Variants in MAN1A2 observed in about 807,000 individuals in gnomAD.
The protein encoded by MAN1A2 is mannosyl-oligosaccharide 1,2-alpha-mannosidase IB.
Under a neutral mutation model 75.7 loss-of-function variants are expected in MAN1A2, and 26 were observed. The observed-to-expected ratio is 0.34, with a 90% CI of 0.25 to 0.48. The LOEUF is 0.48. MAN1A2 is among the 20% of genes least tolerant of loss of function. MAN1A2 has a pLI of 0.99. For missense variants in MAN1A2, 562 were observed against 775.5 expected, an observed-to-expected ratio of 0.72 and a Z score of 3.27; for synonymous variants, 247 against 264.6, an observed-to-expected ratio of 0.93 and a Z score of 0.65.
chr1:117,492,059 G>C (rs995542828), intron 8 of MAN1A2, among the ~76,000 whole-genome samples: 1 of 152,084 alleles, frequency 6.6e-6, no homozygotes, highest in Non-Finnish European at 1.5e-5. Flanking sequence ...TGACAATAAG[G>C]ATTTAGAATA....
chr1:117,469,638 A>G (rs1005176948), intron 8 of MAN1A2, among the ~76,000 whole-genome samples: 6 of 152,170 alleles, frequency 3.9e-5, no homozygotes, highest in Non-Finnish European at 8.8e-5. Context: ...CCTACAACTC[A>G]ACAACAGAAG....
intron 5 of MAN1A2, among the ~76,000 whole-genome samples, chr1:117,439,840 A>G (rs1648972920): frequency 6.6e-6 from 1 of 152,180 alleles, no homozygotes; most frequent in Non-Finnish European, 1.5e-5. Flanking sequence ...TTAACAAGAT[A>G]TCATGAAAAA....
chr1:117,429,476 C>CA (rs1648507332), intron 5 of MAN1A2, among the ~76,000 whole-genome samples: 6 of 75,190 alleles, frequency 8.0e-5, no homozygotes, highest in Non-Finnish European at 8.6e-5. Context: ...GCTGGCCGGG[C>CA]GGGGGGCCGA....
At chr1:117,369,689 A>AT in intron 1 of MAN1A2, among the ~76,000 whole-genome samples, 1 of 152,126 alleles carries the variant, frequency 6.6e-6, no homozygotes, top group Admixed American at 6.5e-5. Flanking sequence ...TTAATTTGGA[A>AT]TTTTTGCCAT....
At chr1:117,420,507 T>C (rs1648150693) in intron 4 of MAN1A2, 62 bp from the exon 5 acceptor site, 4 of 1,179,352 alleles carry the variant, frequency 3.4e-6, no homozygotes, top group Non-Finnish European at 5.0e-6. Context: ...GAAGTATTGA[T>C]AATATTTTGA....
intron 1 of MAN1A2, among the ~76,000 whole-genome samples, chr1:117,383,324 A>G (rs1557927630): frequency 1.3e-5 from 2 of 152,170 alleles, no homozygotes; most frequent in African/African-American, 2.4e-5. Flanking sequence ...CTACCTGCCT[A>G]TGCCTGTAGT....
At chr1:117,457,379 A>C (rs1324701432) in intron 6 of MAN1A2, among the ~76,000 whole-genome samples, 4 of 151,932 alleles carry the variant, frequency 2.6e-5, no homozygotes, top group Admixed American at 2.6e-4. Context: ...TAACATTTGC[A>C]TGAAATGATG....
chr1:117,418,325 A>C (rs1648075195), intron 4 of MAN1A2, among the ~76,000 whole-genome samples: 1 of 152,070 alleles, frequency 6.6e-6, no homozygotes, highest in African/African-American at 2.4e-5. Context: ...GGTGATGATA[A>C]GTGCTATGGA....
intron 8 of MAN1A2, among the ~76,000 whole-genome samples, chr1:117,488,654 T>C (rs1311513157): frequency 2.0e-5 from 3 of 152,072 alleles, no homozygotes; most frequent in Admixed American, 6.6e-5. Flanking sequence ...ATCTTGGTTG[T>C]GGCTTTGTTG....
intron 6 of MAN1A2, among the ~76,000 whole-genome samples, chr1:117,447,595 G>A (rs1307953112): frequency 6.6e-6 from 1 of 152,002 alleles, no homozygotes; most frequent in East Asian, 1.9e-4. Flanking sequence ...GGCTCTTATC[G>A]AACCTTTTGA....
chr1:117,489,270 A>G (rs905838159), intron 8 of MAN1A2, among the ~76,000 whole-genome samples: 1 of 152,074 alleles, frequency 6.6e-6, no homozygotes, highest in Non-Finnish European at 1.5e-5. Flanking sequence ...CAGAAGTACA[A>G]TTCCTAGGTT....
intron 1 of MAN1A2, among the ~76,000 whole-genome samples, chr1:117,376,781 T>C (rs949390850): frequency 2.0e-5 from 3 of 152,214 alleles, no homozygotes; most frequent in Non-Finnish European, 4.4e-5. Context: ...CAGAAAAAGT[T>C]AAAGATGATT....
chr1:117,445,266 C>T (rs1402993252), intron 6 of MAN1A2, among the ~76,000 whole-genome samples: 1 of 151,928 alleles, frequency 6.6e-6, no homozygotes, highest in Non-Finnish European at 1.5e-5. Flanking sequence ...TTTCCTAATA[C>T]CCTTTGAAAT....
chr1:117,445,854 GTGTGTA>G (rs143828193), intron 6 of MAN1A2, among the ~76,000 whole-genome samples: 36,640 of 112,242 alleles, frequency 0.33, 5,587 homozygotes, highest in African/African-American at 0.43. Context: ...GTGTGTGTGT[GTGTGTA>G]TGTGTGTGTG....
intron 8 of MAN1A2, among the ~76,000 whole-genome samples, chr1:117,470,270 A>G (rs774476018): frequency 1.3e-5 from 2 of 152,132 alleles, no homozygotes; most frequent in Non-Finnish European, 2.9e-5. Context: ...TGTCAAATCC[A>G]TAGAGACAGA....
At chr1:117,405,725 T>C in intron 3 of MAN1A2, 80 bp downstream of exon 3, 1 of 852,930 alleles carries the variant, frequency 1.2e-6, no homozygotes, top group Non-Finnish European at 2.0e-6. Context: ...CAAAGTACTT[T>C]CTAAAATCTG....
intron 1 of MAN1A2, among the ~76,000 whole-genome samples, chr1:117,376,209 C>T (rs1653134142): frequency 6.6e-6 from 1 of 152,168 alleles, no homozygotes; most frequent in Non-Finnish European, 1.5e-5. Context: ...CTGCGCCCGG[C>T]CCTAATTTAT....
In MAN1A2 at chr1:117,496,975, C is replaced by G; in HGVS notation, c.1497C>G (p.Asp499Glu). The change falls in exon 10 of 13, where the codon GAC (aspartate) becomes GAG (glutamate). Residue 499 changes from aspartate (D) to glutamate (E), a missense_variant. Asp to Glu is a conservative substitution (Grantham distance 45). This residue lies in a region of MAN1A2 where 434 missense variants were observed against 645.7 expected (regional missense o/e 0.67). Transcript: ENST00000356554. ...CACGTACTTGTCATGAGTCATATGA[C>G]AGAACTGGTAAGAATATTAATAAGG... ...EIARTCHESYDRTALKLGPES... is the reference protein window; with the variant it reads ...EIARTCHESYERTALKLGPES... The G allele has an allele frequency of 6.2e-7, 1 of 1,608,842 alleles. No individual in the cohort carries two copies. Among genetic ancestry groups the G allele is most frequent in the Non-Finnish European group, 8.5e-7 (1 of 1,176,958 alleles).
At chr1:117,488,540 T>G (rs1336682003) in intron 8 of MAN1A2, among the ~76,000 whole-genome samples, 2 of 152,014 alleles carry the variant, frequency 1.3e-5, no homozygotes, top group Non-Finnish European at 2.9e-5. Context: ...GCAAAACAAA[T>G]TTATGGTGAT....
Sources: gnomAD v4.1 joint callset for allele counts (sites outside exome capture counted in the v4.1 genomes callset) on GRCh38, gnomAD v4.1.1 for gene constraint, gnomAD v4.1.1 regional missense constraint, MANE v1.5 for transcripts, NCBI Gene and HGNC (gene_info 2026-07-23, HGNC 2026-07-21) for gene names.